FRMD4A: variants seen among roughly 807,000 people sequenced by gnomAD.
FRMD4A encodes the protein FERM domain-containing protein 4A.
Under a neutral mutation model 129.1 loss-of-function variants are expected in FRMD4A, and 29 were observed. That is an observed-to-expected ratio of 0.22 (90% CI 0.17 to 0.31). The LOEUF is 0.31. Ranked by LOEUF, FRMD4A falls within the 10% of genes least tolerant of loss-of-function variation. The pLI, the probability that FRMD4A is intolerant of heterozygous loss-of-function variation, is 1.00. For missense variants in FRMD4A, 1,272 were observed against 1,375.8 expected, an observed-to-expected ratio of 0.92 and a Z score of 1.19; for synonymous variants, 634 against 571.6, an observed-to-expected ratio of 1.11 and a Z score of -1.56.
chr10:14,203,482 A>G (rs1223715712), intron 2 of FRMD4A, among the ~76,000 whole-genome samples: 1 of 152,238 alleles, frequency 6.6e-6, no homozygotes, highest in Non-Finnish European at 1.5e-5. Context: ...GACACTAGAA[A>G]GCAGGCGGTG....
rs1446227414 is a variant in FRMD4A, at chr10:13,740,241, T to C, written c.625A>G (p.Ile209Val). Residue 209 changes from isoleucine (I) to valine (V), a missense_variant, in exon 11 of 25, where the codon ATC (isoleucine) becomes GTC (valine). Transcript: ENST00000357447. ...CCGTAGGTTGGGAGAGACTCCACGA[T>C]GCTCATGTAGCTGGAATGACAACAC... is the stretch of plus-strand genomic sequence containing the variant. ...RGQAIVNYMSIVESLPTYGVH... is the reference protein window; with the variant it reads ...RGQAIVNYMSVVESLPTYGVH... The C allele has an allele frequency of 1.2e-6, 2 of 1,607,800 alleles. No individual in the cohort carries two copies. The highest frequency in any genetic ancestry group is 1.7e-6 in the Non-Finnish European group (2 of 1,174,198).
intron 2 of FRMD4A, among the ~76,000 whole-genome samples, chr10:14,209,292 C>G (rs1339299878): frequency 6.6e-6 from 1 of 152,152 alleles, no homozygotes; most frequent in East Asian, 1.9e-4. Context: ...TTTTAACACT[C>G]CTGTGGCAGA....
chr10:14,087,886 A>ATCATC (rs1836385762), intron 2 of FRMD4A, among the ~76,000 whole-genome samples: 1 of 152,150 alleles, frequency 6.6e-6, no homozygotes, highest in African/African-American at 2.4e-5. Flanking sequence ...ACAAAAGGAG[A>ATCATC]CTGAGAGGAT....
At chr10:14,113,050 A>G (rs1253626769) in intron 2 of FRMD4A, among the ~76,000 whole-genome samples, 8 of 152,174 alleles carry the variant, frequency 5.3e-5, no homozygotes, top group African/African-American at 1.9e-4. Context: ...TCGGACTGGA[A>G]TCCCCTACAG....
chr10:14,129,290 A>G (rs1839099260), intron 2 of FRMD4A, among the ~76,000 whole-genome samples: 1 of 148,714 alleles, frequency 6.7e-6, no homozygotes, highest in Non-Finnish European at 1.5e-5. Context: ...TATTCATTAG[A>G]AAAACAATGA....
intron 2 of FRMD4A, among the ~76,000 whole-genome samples, chr10:14,068,422 A>G (rs1487334549): frequency 6.6e-6 from 1 of 152,224 alleles, no homozygotes; most frequent in African/African-American, 2.4e-5. Context: ...CTAAGTGTGA[A>G]GTAGAAAGAT....
intron 19 of FRMD4A, among the ~76,000 whole-genome samples, chr10:13,662,209 C>A (rs1274838706): frequency 6.6e-6 from 1 of 152,174 alleles, no homozygotes; most frequent in Non-Finnish European, 1.5e-5. Flanking sequence ...GCTCAAGCCC[C>A]CCATTTCCTT....
chr10:13,861,755 C>T (rs2094298097), intron 2 of FRMD4A, among the ~76,000 whole-genome samples: 1 of 152,190 alleles, frequency 6.6e-6, no homozygotes, highest in African/African-American at 2.4e-5. Context: ...AATCCATCAA[C>T]CTTGCACAGA....
chr10:13,778,815 T>C (rs1454206691), intron 6 of FRMD4A, among the ~76,000 whole-genome samples: 4 of 152,164 alleles, frequency 2.6e-5, no homozygotes, highest in Non-Finnish European at 4.4e-5. Context: ...GCATGTGATC[T>C]CATCTTCATT....
intron 2 of FRMD4A, among the ~76,000 whole-genome samples, chr10:14,108,104 A>G (rs992447815): frequency 1.3e-5 from 2 of 152,178 alleles, no homozygotes; most frequent in South Asian, 2.1e-4. Flanking sequence ...GGTCTCTCCA[A>G]TAAAATTCAT....
intron 2 of FRMD4A, among the ~76,000 whole-genome samples, chr10:14,065,457 A>G: frequency 6.6e-6 from 1 of 152,218 alleles, no homozygotes; most frequent in East Asian, 1.9e-4. Flanking sequence ...CTGGGCTTGC[A>G]GATGTGAGCC....
intron 6 of FRMD4A, among the ~76,000 whole-genome samples, chr10:13,777,448 A>G (rs1025282804): frequency 2.0e-5 from 3 of 152,216 alleles, no homozygotes; most frequent in Non-Finnish European, 4.4e-5. Flanking sequence ...AACTTGAAAG[A>G]TGCTGTCCCT....
rs530366800 is a variant in FRMD4A at position 14,292,631 on chromosome 10, C to G, written c.45+37427G>C. Among the ~76,000 whole-genome samples the G allele has an allele frequency of 3.3e-4, 50 of 152,228 alleles. No homozygotes were observed. In the East Asian group the frequency reaches 8.7e-3, roughly 26 times the overall value. Reference sequence around the variant, plus strand: ...TGGCTAACATGGTGAAACCCTGTCTCTACTAAAAAATACAAAAAATTAGCT... The same window carrying G: ...TGGCTAACATGGTGAAACCCTGTCTGTACTAAAAAATACAAAAAATTAGCT... On this transcript the variant is annotated intron_variant, in intron 2 of 24. Transcript: ENST00000357447.
chr10:13,743,918 C>T (rs1369755549), intron 9 of FRMD4A, among the ~76,000 whole-genome samples: 1 of 152,046 alleles, frequency 6.6e-6, no homozygotes, highest in East Asian at 1.9e-4. Context: ...GTAGCAGGGA[C>T]TCAAGGGGAT....
chr10:14,297,694 G>C (rs1454369590), intron 2 of FRMD4A, among the ~76,000 whole-genome samples: 3 of 152,110 alleles, frequency 2.0e-5, no homozygotes, highest in East Asian at 3.9e-4. Context: ...TGTGTGTATA[G>C]AAAACATATG....
intron 23 of FRMD4A, chr10:13,653,982 C>A: frequency 4.0e-6 from 1 of 250,174 alleles, no homozygotes; most frequent in East Asian, 7.8e-5. Context: ...TTTTCTTGCA[C>A]CCTGAGACAT....
At chr10:13,664,704 ATT>A (rs34523185) in intron 18 of FRMD4A, among the ~76,000 whole-genome samples, 2,187 of 146,088 alleles carry the variant, frequency 0.015, 52 homozygotes, top group African/African-American at 0.05. Flanking sequence ...CCATGTTAAC[ATT>A]TTTTTTTTTT....
At chr10:13,773,224 G>A (rs1032833440) in intron 6 of FRMD4A, among the ~76,000 whole-genome samples, 11 of 152,164 alleles carry the variant, frequency 7.2e-5, no homozygotes, top group Admixed American at 1.3e-4. Context: ...GAATGTGTAT[G>A]ACTCTATTAT....
At chr10:14,016,454 C>T (rs2095699397) in intron 2 of FRMD4A, among the ~76,000 whole-genome samples, 1 of 152,210 alleles carries the variant, frequency 6.6e-6, no homozygotes, top group South Asian at 2.1e-4. Flanking sequence ...GCCACAACAG[C>T]CTCCTGCACT....
Sources: gnomAD v4.1 joint callset for allele counts (sites outside exome capture counted in the v4.1 genomes callset) on GRCh38, gnomAD v4.1.1 for gene constraint, MANE v1.5 for transcripts, NCBI Gene and HGNC (gene_info 2026-07-23, HGNC 2026-07-21) for gene names.